CERS3: variants seen among roughly 807,000 people sequenced by gnomAD.
The protein encoded by CERS3 is ceramide synthase 3, also known as LAG1 homolog, ceramide synthase 3.
A neutral mutation model predicts 50.3 loss-of-function variants in CERS3; 33 were observed. That is an observed-to-expected ratio of 0.66 (90% CI 0.50 to 0.88). The LOEUF (loss-of-function observed/expected upper bound fraction) is 0.88, where lower values mean the gene tolerates loss of function less well. CERS3 is among the 40% of genes least tolerant of loss of function. The pLI is 0.00. For synonymous variants in CERS3, 176 were observed against 155.2 expected, an observed-to-expected ratio of 1.13 and a Z score of -0.99; for missense variants, 470 against 460.3, an observed-to-expected ratio of 1.02 and a Z score of -0.19.
chr15:100,412,428 C>T lies in CERS3; in HGVS notation c.1000-9563G>A, dbSNP rs11855330. On this transcript the variant is annotated intron_variant, in intron 11 of 11. Coordinates refer to ENST00000679737, the MANE Select transcript of CERS3 (RefSeq NM_001378789.1). ...ATGGTCTTTATGTTTGTCTTTATGC[C>T]GGTACCACACTGTCTTGATTACTGA... Among the ~76,000 whole-genome samples, 671 of 152,154 alleles carry T rather than the reference C, an allele frequency of 4.4e-3. 5 individuals are homozygous for T. The highest frequency in any genetic ancestry group is 0.015 in the African/African-American group (606 of 41,496).
At chr15:100,533,441 C>T (rs2036990040), upstream of CERS3, among the ~76,000 whole-genome samples, 1 of 152,152 alleles carries the variant, frequency 6.6e-6, no homozygotes, top group Non-Finnish European at 1.5e-5. Context: ...TCCTCTCTAC[C>T]ACAGTAGGTA....
At chr15:100,450,859 C>A (rs549032082) in intron 11 of CERS3, among the ~76,000 whole-genome samples, 1 of 152,014 alleles carries the variant, frequency 6.6e-6, no homozygotes, top group Admixed American at 6.5e-5. Context: ...ACAACAGAAA[C>A]CTTACAGGCC....
intron 8 of CERS3, among the ~76,000 whole-genome samples, chr15:100,474,008 A>G (rs1237156956): frequency 6.6e-6 from 1 of 152,232 alleles, no homozygotes; most frequent in East Asian, 1.9e-4. Context: ...AAAACATTAC[A>G]GTAAGTGAAA....
At chr15:100,427,780 G>T (rs2587823) in intron 11 of CERS3, among the ~76,000 whole-genome samples, 1 of 152,080 alleles carries the variant, frequency 6.6e-6, no homozygotes, top group Non-Finnish European at 1.5e-5. Flanking sequence ...TAAATATGAT[G>T]GCTTGAGCTA....
At chr15:100,517,184 G>A (rs1488141263) in intron 2 of CERS3, among the ~76,000 whole-genome samples, 1 of 152,228 alleles carries the variant, frequency 6.6e-6, no homozygotes, top group Non-Finnish European at 1.5e-5. Context: ...TATTTTGTAA[G>A]TTCTAGATCA....
chr15:100,538,900 G>A (rs1259323811), intron 1 of CERS3, among the ~76,000 whole-genome samples: 6 of 152,130 alleles, frequency 3.9e-5, no homozygotes, highest in African/African-American at 1.4e-4. Flanking sequence ...TTAAACATAA[G>A]TTCCAATTCC....
chr15:100,441,925 T>C (rs2142154520), intron 11 of CERS3, among the ~76,000 whole-genome samples: 1 of 152,040 alleles, frequency 6.6e-6, no homozygotes, highest in African/African-American at 2.4e-5. Flanking sequence ...TACAGACCCA[T>C]CTGACCTCTC....
intron 7 of CERS3, among the ~76,000 whole-genome samples, chr15:100,478,281 C>A (rs2035197103): frequency 6.6e-6 from 1 of 152,104 alleles, no homozygotes; most frequent in South Asian, 2.1e-4. Context: ...AGAAAAGTAC[C>A]AGTGAACTGG....
In CERS3 at chr15:100,471,611, A is replaced by G. The variant is rs2034971205; in HGVS notation, c.738+1313T>C. On this transcript the variant is annotated intron_variant, in intron 9 of 11. Transcript: ENST00000679737. The stretch of plus-strand genomic sequence containing the variant: ...CTTCTGTCAGGATTACTGAGATACG[A>G]TCAGAGAAGGAGGTAATTACACCAG... Among the ~76,000 whole-genome samples, 3 of 152,180 alleles carry G rather than the reference A, an allele frequency of 2.0e-5. No homozygotes were observed. In the South Asian group the frequency reaches 6.2e-4, roughly 32 times the overall value.
chr15:100,539,750 G>T (rs965341141), intron 1 of CERS3, among the ~76,000 whole-genome samples: 14 of 152,152 alleles, frequency 9.2e-5, no homozygotes, highest in African/African-American at 3.4e-4. Flanking sequence ...GGTAGGCTTG[G>T]TCACTCTTTG....
In CERS3 at chr15:100,490,534, G is replaced by A. The variant is rs2654629; in HGVS notation, c.288+283C>T. 0.88 allele frequency among the ~76,000 whole-genome samples: 133,409 copies of A among 152,234 alleles called. 59,366 individuals carry two copies. Among genetic ancestry groups the A allele is most frequent in the East Asian group, 0.99 (5,121 of 5,184 alleles). On this transcript the variant is annotated intron_variant, in intron 4 of 11. Transcript: ENST00000679737. ...TATATTTGACCATTAAAAATTAAATGTTGACCTTTATTCCCAAATTATGGC... is the reference window on the plus strand; with the variant it reads ...TATATTTGACCATTAAAAATTAAATATTGACCTTTATTCCCAAATTATGGC...
chr15:100,465,895 G>GTGA (rs1386435190), intron 10 of CERS3, among the ~76,000 whole-genome samples: 1 of 152,154 alleles, frequency 6.6e-6, no homozygotes. Flanking sequence ...CTGACCTCAG[G>GTGA]TGATCCTCCT....
intron 3 of CERS3, among the ~76,000 whole-genome samples, chr15:100,493,749 C>T (rs1169358669): frequency 6.6e-6 from 1 of 152,118 alleles, no homozygotes; most frequent in Non-Finnish European, 1.5e-5. Flanking sequence ...CTTTCTTATG[C>T]CTGCTCAAAT....
At chr15:100,500,197 T>C (rs1237652109) in intron 3 of CERS3, 1 of 152,222 alleles carries the variant, frequency 6.6e-6, no homozygotes, top group Admixed American at 6.5e-5. Context: ...ATGGCATTAG[T>C]GAAGCAACAC....
rs573607847 is a variant in CERS3, at chr15:100,487,252, C to T, written c.289-2584G>A. ...TGAGGAAGACATGCTTAAACACGCT[C>T]CTTTGGAAGTCAGTGCATGACAGGC... On this transcript the variant is annotated intron_variant, in intron 4 of 11. Coordinates refer to ENST00000679737, the MANE Select transcript of CERS3 (RefSeq NM_001378789.1). Among the ~76,000 whole-genome samples, 13 of 152,312 alleles carry T rather than the reference C, an allele frequency of 8.5e-5. No homozygotes were observed. The South Asian group carries it at 1.0e-3, about 12-fold the overall frequency.
chr15:100,533,429 C>A (rs2142418171), upstream of CERS3, among the ~76,000 whole-genome samples: 1 of 152,282 alleles, frequency 6.6e-6, no homozygotes, highest in Non-Finnish European at 1.5e-5. Flanking sequence ...CATTGTGTCT[C>A]TTCCTCTCTA....
chr15:100,435,182 C>T (rs1000243362), intron 11 of CERS3, among the ~76,000 whole-genome samples: 1 of 152,172 alleles, frequency 6.6e-6, no homozygotes, highest in African/African-American at 2.4e-5. Flanking sequence ...CTCCAAAGAA[C>T]TAGTATTTTG....
intron 11 of CERS3, among the ~76,000 whole-genome samples, chr15:100,412,921 G>A (rs982713669): frequency 1.3e-5 from 2 of 152,170 alleles, no homozygotes; most frequent in Non-Finnish European, 2.9e-5. Context: ...CAGATGAGAT[G>A]AAAGCTACAG....
At chr15:100,439,918 G>C (rs189948617) in intron 11 of CERS3, among the ~76,000 whole-genome samples, 1 of 152,302 alleles carries the variant, frequency 6.6e-6, no homozygotes, top group Non-Finnish European at 1.5e-5. Context: ...TCTTGTCCAT[G>C]GCTCCCCAAC....
Sources: allele counts gnomAD v4.1 joint callset (sites outside exome capture counted in the v4.1 genomes callset), GRCh38; gene constraint gnomAD v4.1.1; transcripts MANE v1.5; gene names NCBI Gene and HGNC (gene_info 2026-07-23, HGNC 2026-07-21).